CRAMP1: variants seen among roughly 807,000 people sequenced by gnomAD.
CRAMP1 encodes the protein protein cramped-like.
In CRAMP1, 50 loss-of-function variants were observed where a neutral mutation model predicts 115.4. The observed-to-expected ratio is 0.43, with a 90% CI of 0.35 to 0.55. The LOEUF (loss-of-function observed/expected upper bound fraction) is 0.55. CRAMP1 is among the 20% of genes least tolerant of loss of function. The pLI, the probability that CRAMP1 is intolerant of heterozygous loss-of-function variation, is 0.01. For synonymous variants in CRAMP1, 866 were observed against 745.4 expected, an observed-to-expected ratio of 1.16 and a Z score of -2.64; for missense variants, 1,679 against 1,721.7, an observed-to-expected ratio of 0.98 and a Z score of 0.44.
rs772907182 is a variant in CRAMP1 at position 1,632,249 on chromosome 16, C to T, written c.578C>T (p.Ala193Val). 7 of 1,577,906 alleles carry T rather than the reference C, an allele frequency of 4.4e-6. No homozygotes were observed. Among genetic ancestry groups the T allele is most frequent in the Non-Finnish European group, 6.0e-6 (7 of 1,162,862 alleles). Residue 193 changes from alanine to valine, a missense_variant, in exon 4 of 21, where the codon GCG becomes GTG. Coordinates refer to ENST00000397412, the MANE Select transcript of CRAMP1 (RefSeq NM_020825.4). The stretch of plus-strand genomic sequence containing the variant: ...TTTGAAGCGATTCAGAACAACATTG[C>T]GCTGAAGTACAAGAAGAAAGGCAAG... ...KDFEAIQNNIALKYKKKGKPA... is the reference protein window; with the variant it reads ...KDFEAIQNNIVLKYKKKGKPA...
intron 2 of CRAMP1, 175 bp from the exon 3 acceptor site, chr16:1,625,798 G>T (rs2036503278): frequency 1.7e-6 from 1 of 585,468 alleles, no homozygotes; most frequent in East Asian, 3.1e-5. Flanking sequence ...GATCCTGGCA[G>T]TCCTAAGCAG....
chr16:1,638,799 A>G lies in CRAMP1; in HGVS notation c.778+892A>G, dbSNP rs1274652626. 3.3e-5 allele frequency among the ~76,000 whole-genome samples: 5 copies of G among 150,238 alleles called. No individual in the cohort carries two copies. In the Admixed American group the frequency reaches 3.4e-4, roughly 10 times the overall value. Reference sequence around the variant, plus strand: ...CCTGTCTGTGCCAGGCCTGCACCACACTCTGTCCCCTTGCTGCCCCTCCAT... The same window carrying G: ...CCTGTCTGTGCCAGGCCTGCACCACGCTCTGTCCCCTTGCTGCCCCTCCAT... On this transcript the variant is annotated intron_variant, in intron 5 of 20. Coordinates refer to ENST00000397412, the MANE Select transcript of CRAMP1 (RefSeq NM_020825.4).
In CRAMP1 at chr16:1,669,434, G is replaced by T. The variant is rs1199628534; in HGVS notation, c.3499+269G>T. Among the ~76,000 whole-genome samples the T allele has an allele frequency of 6.6e-6, 1 of 152,168 alleles. No homozygotes were observed. The highest frequency in any genetic ancestry group is 1.5e-5 in the Non-Finnish European group (1 of 68,032). On this transcript the variant is annotated intron_variant, in intron 19 of 20. Transcript: ENST00000397412. This position sits in a 1 kb window ranked among gnomAD's most constrained non-coding sequence, Gnocchi z 4.6. ...CAATGGAGACCTAGAACATTCCCGT[G>T]ACCCCAGATGCTGGGTTCTGTGTGC...
chr16:1,641,132 T>C lies in CRAMP1; in HGVS notation c.779-7T>C. On this transcript the variant is annotated splice_region_variant and splice_polypyrimidine_tract_variant and intron_variant, in intron 5 of 20. Transcript: ENST00000397412. The stretch of plus-strand genomic sequence containing the variant: ...TGGTCTCATTTATTTATTTTTTCCA[T>C]TTAAAGGTATGGATGACAAGAATGC... 6.2e-7 allele frequency: 1 copy of C among 1,605,350 alleles called. No homozygotes were observed. Among genetic ancestry groups the C allele is most frequent in the Non-Finnish European group, 8.5e-7 (1 of 1,172,350 alleles).
chr16:1,662,812 C>T lies in CRAMP1; in HGVS notation c.2647C>T (p.Leu883=), dbSNP rs533221397. 6.2e-7 allele frequency: 1 copy of T among 1,613,788 alleles called. No homozygotes were observed. The highest frequency in any genetic ancestry group is 1.3e-5 in the African/African-American group (1 of 75,062). The change falls in exon 13 of 21, where the codon CTG becomes TTG. Residue 883 remains leucine, a synonymous_variant. Coordinates refer to ENST00000397412, the MANE Select transcript of CRAMP1 (RefSeq NM_020825.4). ...PKPRKLRNRH[L]RKPLVVQRTL... The stretch of plus-strand genomic sequence containing the variant: ...GCCCCGGAAGCTGCGGAACCGGCAC[C>T]TGCGGAAGCCACTGGTGGTCCAGGT...
chr16:1,627,973 G>A (rs2142174906), intron 3 of CRAMP1, among the ~76,000 whole-genome samples: 1 of 152,320 alleles, frequency 6.6e-6, no homozygotes, highest in East Asian at 1.9e-4. Flanking sequence ...GGGTGCCTGG[G>A]AGCAGGAGAT....
intron 6 of CRAMP1, among the ~76,000 whole-genome samples, chr16:1,644,876 T>C (rs1295977563): frequency 1.3e-5 from 2 of 152,050 alleles, no homozygotes; most frequent in Non-Finnish European, 2.9e-5. Context: ...TTTCTTTCCT[T>C]TTTTAAATAG....
intron 6 of CRAMP1, among the ~76,000 whole-genome samples, chr16:1,649,226 G>T (rs73499786): frequency 6.6e-6 from 1 of 152,134 alleles, no homozygotes; most frequent in Non-Finnish European, 1.5e-5. Context: ...CCAAGGCTCA[G>T]CTCTGTCCTT....
chr16:1,667,308 C>T, intron 16 of CRAMP1, 27 bp from the exon 17 acceptor site: 1 of 1,606,652 alleles, frequency 6.2e-7, no homozygotes, highest in Non-Finnish European at 8.5e-7. Context: ...CACCCTGCGG[C>T]TGCTCATGGG....
rs772827643 is a variant in CRAMP1, at chr16:1,640,042, C to T, written c.779-1097C>T. On this transcript the variant is annotated intron_variant, in intron 5 of 20. Coordinates refer to ENST00000397412, the MANE Select transcript of CRAMP1 (RefSeq NM_020825.4). ...GACCCTGTGGCATGCCATGCCTGGC[C>T]GGTTTCCGCAACCGGTTCCTTTCTT... 5.5e-4 allele frequency among the ~76,000 whole-genome samples: 84 copies of T among 152,264 alleles called. 1 individual carries two copies. The highest frequency in any genetic ancestry group is 1.6e-3 in the African/African-American group (68 of 41,550).
At chr16:1,643,786 C>T (rs1302671456) in intron 6 of CRAMP1, among the ~76,000 whole-genome samples, 1 of 152,228 alleles carries the variant, frequency 6.6e-6, no homozygotes, top group Non-Finnish European at 1.5e-5. Context: ...GGGAGCCTGG[C>T]ATGGGTCCCC....
At chr16:1,632,078 A>T in intron 3 of CRAMP1, 134 bp from the exon 4 acceptor site, 1 of 929,772 alleles carries the variant, frequency 1.1e-6, no homozygotes. Flanking sequence ...CACAGATAAG[A>T]GCTTGGAAGG....
chr16:1,673,866 C>T lies in CRAMP1; in HGVS notation c.3646-15C>T. On this transcript the variant is annotated splice_polypyrimidine_tract_variant and intron_variant, in intron 20 of 20. Coordinates refer to ENST00000397412, the MANE Select transcript of CRAMP1 (RefSeq NM_020825.4). ...GGTCGCGGTGACTTGTTCTTCCTGT[C>T]TCCTCTTCCTGCAGGTTGTGGATTC... 1.2e-6 allele frequency: 2 copies of T among 1,613,440 alleles called. No homozygotes were observed. The highest frequency in any genetic ancestry group is 8.5e-7 in the Non-Finnish European group (1 of 1,179,602).
rs887832086 is a variant in CRAMP1 at position 1,653,880 on chromosome 16, G to A, written c.1037+724G>A. Among the ~76,000 whole-genome samples the A allele has an allele frequency of 4.2e-4, 64 of 150,810 alleles. 1 individual carries two copies. Among genetic ancestry groups the A allele is most frequent in the African/African-American group, 1.4e-3 (58 of 41,122 alleles). On this transcript the variant is annotated intron_variant, in intron 8 of 20. Transcript: ENST00000397412. The stretch of plus-strand genomic sequence containing the variant: ...GAGGTGACTGGGTGTGGAGGCTCAC[G>A]CCTGTAATCCCAGCACTTTGGGAGG...
At chr16:1,664,274 G>A (rs951314107) in intron 13 of CRAMP1, among the ~76,000 whole-genome samples, 2 of 152,296 alleles carry the variant, frequency 1.3e-5, no homozygotes, top group South Asian at 2.1e-4. Flanking sequence ...AGCACATTCA[G>A]CCTAATTGTT....
chr16:1,626,814 G>A (rs1050030845), intron 3 of CRAMP1, among the ~76,000 whole-genome samples: 4 of 151,604 alleles, frequency 2.6e-5, no homozygotes, highest in Non-Finnish European at 5.9e-5. Context: ...TTTTTTTAAC[G>A]CCTGTAAATA....
intron 4 of CRAMP1, among the ~76,000 whole-genome samples, chr16:1,634,844 A>C (rs1359329990): frequency 6.6e-6 from 1 of 152,196 alleles, no homozygotes; most frequent in Non-Finnish European, 1.5e-5. Flanking sequence ...ATTGCGCATC[A>C]AACAGAGTGG....
Position 1,674,256 on chromosome 16 carries a change from A to T in CRAMP1, c.*211A>T, listed in dbSNP as rs2036948490. ...GTTCTTGGCAAGGGCCAGCGTTAGA[A>T]ATCACTGTGGTACTAGAGCCGTTCT... is the stretch of plus-strand genomic sequence containing the variant. On this transcript the variant is annotated 3_prime_UTR_variant, in exon 21 of 21. Coordinates refer to ENST00000397412, the MANE Select transcript of CRAMP1 (RefSeq NM_020825.4). The T allele has an allele frequency of 3.0e-5, 18 of 590,226 alleles. No homozygotes were observed. Among genetic ancestry groups the T allele is most frequent in the Non-Finnish European group, 5.4e-5 (18 of 332,584 alleles). 36.6% of individuals were successfully genotyped at this position (590,226 alleles called of 1,614,324 possible). A position where few individuals can be genotyped will look rare whatever the true frequency, so the allele number is the denominator to read the frequency against.
In CRAMP1 at chr16:1,614,790, A is replaced by G; in HGVS notation, c.151A>G (p.Thr51Ala). The change falls in exon 2 of 21, where the codon ACC becomes GCC. Residue 51 changes from threonine to alanine, a missense_variant. Physicochemically the swap from Thr to Ala is moderately conservative, Grantham distance 58 (BLOSUM62 0). Transcript: ENST00000397412. The surrounding 1 kb of genome is among the most constrained non-coding windows in gnomAD (Gnocchi z 4.4). The part of the protein sequence containing the change: ...ESSGTKRDEK[T>A]PRAGADGPPA... Reference sequence around the variant, plus strand: ...CAGCGGCACAAAGAGGGACGAGAAGACCCCCCGGGCCGGCGCCGACGGCCC... The same window carrying G: ...CAGCGGCACAAAGAGGGACGAGAAGGCCCCCCGGGCCGGCGCCGACGGCCC... The G allele has an allele frequency of 7.5e-7, 1 of 1,334,086 alleles. No individual in the cohort carries two copies. The highest frequency in any genetic ancestry group is 9.7e-7 in the Non-Finnish European group (1 of 1,035,098). The allele number at this position is 1,334,086 out of a possible 1,614,324, so 82.6% of individuals were successfully genotyped here.
Sources: allele counts gnomAD v4.1 joint callset (sites outside exome capture counted in the v4.1 genomes callset), GRCh38; gene constraint gnomAD v4.1.1; non-coding constraint Gnocchi (gnomAD v3.1); transcripts MANE v1.5; gene names NCBI Gene and HGNC (gene_info 2026-07-23, HGNC 2026-07-21).